PTPRK: variants seen among roughly 807,000 people sequenced by gnomAD.
The protein encoded by PTPRK is protein tyrosine phosphatase receptor type K.
Under a neutral mutation model 178.0 loss-of-function variants are expected in PTPRK, and 75 were observed. The observed-to-expected ratio is 0.42, with a 90% CI of 0.35 to 0.51. The LOEUF is 0.51. Ranked by LOEUF, PTPRK falls within the 20% of genes least tolerant of loss-of-function variation. The pLI is 0.02. For synonymous variants in PTPRK, 637 were observed against 620.6 expected, an observed-to-expected ratio of 1.03 and a Z score of -0.39; for missense variants, 1,441 against 1,797.8, an observed-to-expected ratio of 0.80 and a Z score of 3.59.
intron 7 of PTPRK, among the ~76,000 whole-genome samples, chr6:128,138,880 G>A (rs1378623243): frequency 1.3e-5 from 2 of 151,970 alleles, no homozygotes; most frequent in Non-Finnish European, 2.9e-5. Context: ...TCTGCAGACA[G>A]CACTACTCAT....
intron 11 of PTPRK, among the ~76,000 whole-genome samples, chr6:128,077,851 T>C (rs1784113397): frequency 6.6e-6 from 1 of 151,954 alleles, no homozygotes; most frequent in South Asian, 2.1e-4. Flanking sequence ...GATGGGGATG[T>C]TAGATAATAT....
At chr6:128,402,141 A>T (rs1161306991) in intron 1 of PTPRK, among the ~76,000 whole-genome samples, 2 of 152,260 alleles carry the variant, frequency 1.3e-5, no homozygotes, top group African/African-American at 2.4e-5. Context: ...TTGTAAAAAG[A>T]ATGAAAATTA....
In PTPRK at chr6:128,067,555, G is replaced by A. The variant is rs146878793; in HGVS notation, c.2121C>T (p.Tyr707=). ...WNPPLAPRKG[Y]NIYFQAMSSV... ...TGCTCATCGCCTGGAAATAGATGTT[G>A]TATCCTTTGCGCGGAGCCAAAGGAG... is the stretch of plus-strand genomic sequence containing the variant. Residue 707 remains tyrosine (Y), a synonymous_variant, in exon 12 of 30, where the codon TAC becomes TAT. Transcript: ENST00000368226. 5.9e-5 allele frequency: 95 copies of A among 1,602,146 alleles called. No individual in the cohort carries two copies. In the African/African-American group the frequency reaches 8.4e-4, roughly 14 times the overall value.
At chr6:128,363,509 A>G (rs1179669835) in intron 2 of PTPRK, among the ~76,000 whole-genome samples, 1 of 152,164 alleles carries the variant, frequency 6.6e-6, no homozygotes, top group Admixed American at 6.5e-5. Flanking sequence ...AAAATCAAAG[A>G]GTTGGTCATA....
chr6:128,193,958 A>G (rs1192275729), intron 6 of PTPRK, among the ~76,000 whole-genome samples: 1 of 151,826 alleles, frequency 6.6e-6, no homozygotes, highest in Non-Finnish European at 1.5e-5. Flanking sequence ...ATCAAACTAT[A>G]GGGAAACTAA....
rs1835923994 is a variant in PTPRK at position 128,369,139 on chromosome 6, T to TTACCCTGAAAGTACATTTATACACTGA, written c.223+28426_223+28427insTCAGTGTATAAATGTACTTTCAGGGTA. On this transcript the variant is annotated intron_variant, in intron 2 of 29. Transcript: ENST00000368226. The stretch of plus-strand genomic sequence containing the variant: ...TACACATTTTACCAAGGGAAAGAGG[T>TTACCCTGAAAGTACATTTATACACTGA]TATTTCCCCATTACTGTCCCACCAC... Among the ~76,000 whole-genome samples, 7 of 151,924 alleles carry TTACCCTGAAAGTACATTTATACACTGA rather than the reference T, an allele frequency of 4.6e-5. No individual in the cohort carries two copies. In the South Asian group the frequency reaches 1.5e-3, roughly 32 times the overall value.
intron 2 of PTPRK, among the ~76,000 whole-genome samples, chr6:128,374,003 C>T (rs941220681): frequency 6.6e-6 from 1 of 152,062 alleles, no homozygotes; most frequent in Non-Finnish European, 1.5e-5. Context: ...TTTTCCAGTA[C>T]CTTTCCAGTA....
In PTPRK at chr6:128,235,218, T is replaced by C. The variant is rs867203485; in HGVS notation, c.693+4817A>G. Among the ~76,000 whole-genome samples, 4 of 152,256 alleles carry C rather than the reference T, an allele frequency of 2.6e-5. No homozygotes were observed. In the South Asian group the frequency reaches 8.3e-4, roughly 32 times the overall value. On this transcript the variant is annotated intron_variant, in intron 5 of 29. Transcript: ENST00000368226. The stretch of plus-strand genomic sequence containing the variant: ...TTAAAAACATGCAAATATTGAAATA[T>C]TTGAATATTTTTTAAAAGTTTTGAA...
rs111324205 is a variant in PTPRK, at chr6:128,083,762, T to A, written c.1528A>T (p.Asn510Tyr). 1.9e-6 allele frequency: 3 copies of A among 1,607,004 alleles called. No individual in the cohort carries two copies. The highest frequency in any genetic ancestry group is 2.6e-6 in the Non-Finnish European group (3 of 1,176,044). The change falls in exon 9 of 30, where the codon AAC becomes TAC. Residue 510 changes from asparagine (N) to tyrosine (Y), a missense_variant. Asn to Tyr is a moderately radical substitution (Grantham distance 143). Coordinates refer to ENST00000368226, the MANE Select transcript of PTPRK (RefSeq NM_002844.4). ...TTTGGATCCAAAGGTTCTTTCCAGT[T>A]CAAGAAGATCTTATTTTCAAAGGAT... ...GTSFENKIFL[N>Y]WKEPLDPNGI...
At chr6:128,111,635 C>A (rs192890674) in intron 7 of PTPRK, among the ~76,000 whole-genome samples, 3 of 150,704 alleles carry the variant, frequency 2.0e-5, no homozygotes, top group South Asian at 4.1e-4. Flanking sequence ...TAGGAACACA[C>A]CTCCCTCCAT....
Position 128,234,907 on chromosome 6 carries a change from T to C in PTPRK, c.693+5128A>G, listed in dbSNP as rs552720676. Among the ~76,000 whole-genome samples the C allele has an allele frequency of 3.3e-5, 5 of 152,356 alleles. No individual in the cohort carries two copies. In the East Asian group the frequency reaches 9.6e-4, roughly 29 times the overall value. ...ATATTCACTTTTTCCTGCAATCACT[T>C]TATCCAGTGTTCATAAGAGTTACAA... is the stretch of plus-strand genomic sequence containing the variant. On this transcript the variant is annotated intron_variant, in intron 5 of 29. Transcript: ENST00000368226.
chr6:128,483,933 C>T (rs1852449101), intron 1 of PTPRK, among the ~76,000 whole-genome samples: 1 of 152,058 alleles, frequency 6.6e-6, no homozygotes. Flanking sequence ...TTAGTAATGA[C>T]ATCCTGGGCA....
intron 7 of PTPRK, among the ~76,000 whole-genome samples, chr6:128,133,323 C>G (rs1428910950): frequency 1.3e-5 from 2 of 151,588 alleles, no homozygotes; most frequent in East Asian, 3.9e-4. Flanking sequence ...AAGTAAATAT[C>G]AAAAAGAACA....
At chr6:128,341,173 G>C (rs1404132531) in intron 2 of PTPRK, among the ~76,000 whole-genome samples, 1 of 151,942 alleles carries the variant, frequency 6.6e-6, no homozygotes, top group Non-Finnish European at 1.5e-5. Flanking sequence ...ATGTGATACA[G>C]TTCACCCTTT....
rs1285853157 is a variant in PTPRK, at chr6:128,288,739, T to A, written c.495+33300A>T. 9.9e-5 allele frequency among the ~76,000 whole-genome samples: 15 copies of A among 152,242 alleles called. No individual in the cohort carries two copies. The East Asian group carries it at 2.3e-3, about 23-fold the overall frequency. On this transcript the variant is annotated intron_variant, in intron 3 of 29. Transcript: ENST00000368226. ...AAACTGTTTATTCATCCTCATATGCTTGAAATACTCTCCCCCTTCACACTC... is the reference window on the plus strand; with the variant it reads ...AAACTGTTTATTCATCCTCATATGCATGAAATACTCTCCCCCTTCACACTC...
intron 8 of PTPRK, among the ~76,000 whole-genome samples, chr6:128,084,584 C>T (rs1412952496): frequency 6.6e-6 from 1 of 152,166 alleles, no homozygotes; most frequent in Admixed American, 6.5e-5. Context: ...ATTTGAAGAG[C>T]CTTTGCTTCA....
chr6:128,256,534 G>A (rs1768356), intron 3 of PTPRK, among the ~76,000 whole-genome samples: 6,750 of 151,116 alleles, frequency 0.045, 499 homozygotes, highest in African/African-American at 0.16. Context: ...TCCAACTCCC[G>A]GGTTCAAGCA....
At chr6:128,269,234 A>G (rs1451716300) in intron 3 of PTPRK, among the ~76,000 whole-genome samples, 1 of 152,094 alleles carries the variant, frequency 6.6e-6, no homozygotes, top group African/African-American at 2.4e-5. Flanking sequence ...GGTAGAATAC[A>G]TGGATCCTGT....
chr6:128,432,270 T>G (rs1165818697), intron 1 of PTPRK, among the ~76,000 whole-genome samples: 1 of 152,242 alleles, frequency 6.6e-6, no homozygotes, highest in Non-Finnish European at 1.5e-5. Flanking sequence ...TAGGATTCCA[T>G]TTTTAAGTTA....
Sources: gnomAD v4.1 joint callset for allele counts (sites outside exome capture counted in the v4.1 genomes callset) on GRCh38, gnomAD v4.1.1 for gene constraint, MANE v1.5 for transcripts, NCBI Gene and HGNC (gene_info 2026-07-23, HGNC 2026-07-21) for gene names.